RABGAP1L: variants seen among roughly 807,000 people sequenced by gnomAD.
RABGAP1L encodes the protein RAB GTPase activating protein 1 like.
In RABGAP1L, 63 loss-of-function variants were observed where a neutral mutation model predicts 137.7. That is an observed-to-expected ratio of 0.46 (90% confidence interval 0.37 to 0.56). RABGAP1L has a LOEUF of 0.56. RABGAP1L is among the 20% of genes least tolerant of loss of function. RABGAP1L has a pLI of 0.00. For missense variants in RABGAP1L, 1,095 were observed against 1,244.0 expected, an observed-to-expected ratio of 0.88 and a Z score of 1.80; for synonymous variants, 431 against 433.7, an observed-to-expected ratio of 0.99 and a Z score of 0.08.
intron 12 of RABGAP1L, among the ~76,000 whole-genome samples, chr1:174,393,467 T>C (rs1305103863): frequency 1.3e-5 from 2 of 152,144 alleles, no homozygotes; most frequent in African/African-American, 4.8e-5. Flanking sequence ...GACTATAATA[T>C]GTATGCCTTA....
At chr1:174,273,529 T>A (rs1241731291) in intron 8 of RABGAP1L, among the ~76,000 whole-genome samples, 1 of 152,024 alleles carries the variant, frequency 6.6e-6, no homozygotes, top group Non-Finnish European at 1.5e-5. Flanking sequence ...AATTAGCTAT[T>A]GATCTATGTC....
At chr1:174,620,574 C>A (rs976098242) in intron 13 of RABGAP1L, among the ~76,000 whole-genome samples, 3 of 152,236 alleles carry the variant, frequency 2.0e-5, no homozygotes, top group Non-Finnish European at 4.4e-5. Context: ...TAAAGATGTT[C>A]TTTGAAACCA....
chr1:174,755,846 TC>T (rs1191766872), intron 18 of RABGAP1L, among the ~76,000 whole-genome samples: 1 of 152,214 alleles, frequency 6.6e-6, no homozygotes, highest in African/African-American at 2.4e-5. Context: ...TCTTTTTCAT[TC>T]AGTATATCGT....
At chr1:174,984,741 C>CA (rs1350752348) in intron 24 of RABGAP1L, among the ~76,000 whole-genome samples, 2 of 151,270 alleles carry the variant, frequency 1.3e-5, no homozygotes, top group Admixed American at 6.6e-5. Context: ...GATTCCATCT[C>CA]AAAAAAACAA....
chr1:174,255,907 C>T (rs931213916), intron 7 of RABGAP1L, among the ~76,000 whole-genome samples: 1 of 152,228 alleles, frequency 6.6e-6, no homozygotes, highest in Non-Finnish European at 1.5e-5. Flanking sequence ...GAGTTAAATA[C>T]ATCGTGGCCC....
At chr1:174,218,395 G>A (rs572809419) in intron 1 of RABGAP1L, among the ~76,000 whole-genome samples, 2 of 152,250 alleles carry the variant, frequency 1.3e-5, no homozygotes, top group African/African-American at 4.8e-5. Context: ...TATGTCTGCA[G>A]TTAAACTTAG....
chr1:174,821,229 G>A (rs536006687), intron 19 of RABGAP1L, among the ~76,000 whole-genome samples: 1 of 152,252 alleles, frequency 6.6e-6, no homozygotes, highest in East Asian at 1.9e-4. Context: ...GATGGCAGAG[G>A]CAGTGCAGGT....
At chr1:174,622,538 G>A (rs1672599031) in intron 13 of RABGAP1L, among the ~76,000 whole-genome samples, 1 of 152,198 alleles carries the variant, frequency 6.6e-6, no homozygotes, top group Non-Finnish European at 1.5e-5. Context: ...AATATGATGA[G>A]TTCATGTCCT....
chr1:174,228,257 G>T lies in RABGAP1L; in HGVS notation c.332-2888G>T, dbSNP rs184862280. ...GAATCTGTAGAGTCATGAATCTTGG[G>T]TTACACAGGTTTATAAAATACCTCT... is the stretch of plus-strand genomic sequence containing the variant. On this transcript the variant is annotated intron_variant, in intron 3 of 25. Transcript: ENST00000681986. Among the ~76,000 whole-genome samples the T allele has an allele frequency of 5.7e-4, 86 of 151,968 alleles. 1 individual carries two copies. The highest frequency in any genetic ancestry group is 1.9e-3 in the African/African-American group (78 of 41,488).
At chr1:174,398,855 A>G (rs1648204395) in intron 13 of RABGAP1L, among the ~76,000 whole-genome samples, 1 of 152,204 alleles carries the variant, frequency 6.6e-6, no homozygotes, top group Admixed American at 6.5e-5. Flanking sequence ...GAGATCTATT[A>G]TGGAATGAAT....
intron 13 of RABGAP1L, among the ~76,000 whole-genome samples, chr1:174,443,064 G>A (rs1013790494): frequency 6.6e-6 from 1 of 151,954 alleles, no homozygotes; most frequent in Non-Finnish European, 1.5e-5. Flanking sequence ...CTTTTTTATA[G>A]TTGAATAATA....
chr1:174,374,367 A>G (rs1281178174), intron 12 of RABGAP1L, among the ~76,000 whole-genome samples: 3 of 152,096 alleles, frequency 2.0e-5, no homozygotes, highest in African/African-American at 7.2e-5. Flanking sequence ...ACTTCATAAA[A>G]CAAGGACTCC....
chr1:174,458,156 G>T (rs1307528747), intron 13 of RABGAP1L, among the ~76,000 whole-genome samples: 1 of 152,036 alleles, frequency 6.6e-6, no homozygotes, highest in African/African-American at 2.4e-5. Context: ...ACAAATTACA[G>T]TCCGCTGACT....
At chr1:174,599,746 A>G (rs1182210458) in intron 13 of RABGAP1L, among the ~76,000 whole-genome samples, 1 of 151,858 alleles carries the variant, frequency 6.6e-6, no homozygotes, top group Non-Finnish European at 1.5e-5. Flanking sequence ...TGTTGCTTTT[A>G]GGATTGTTTC....
intron 5 of RABGAP1L, among the ~76,000 whole-genome samples, chr1:174,249,247 T>C (rs772508175): frequency 1.5e-4 from 23 of 152,180 alleles, no homozygotes; most frequent in South Asian, 4.1e-4. Flanking sequence ...CCAACACTTA[T>C]AGCACAACAA....
At chr1:174,332,192 A>G (rs894849389) in intron 11 of RABGAP1L, among the ~76,000 whole-genome samples, 1 of 152,206 alleles carries the variant, frequency 6.6e-6, no homozygotes, top group Non-Finnish European at 1.5e-5. Flanking sequence ...GTCAGTATTC[A>G]AGGCTATAAT....
chr1:174,660,457 C>T (rs564261303), intron 14 of RABGAP1L, among the ~76,000 whole-genome samples: 22 of 152,288 alleles, frequency 1.4e-4, no homozygotes, highest in Non-Finnish European at 2.6e-4. Flanking sequence ...ACTGACTCCA[C>T]CTTCAAAACA....
intron 4 of RABGAP1L, among the ~76,000 whole-genome samples, chr1:174,234,448 G>T (rs1362243855): frequency 1.4e-5 from 2 of 143,512 alleles, no homozygotes; most frequent in African/African-American, 5.9e-5. Flanking sequence ...TTTGTATAAG[G>T]TGTAAGGAAG....
intron 15 of RABGAP1L, among the ~76,000 whole-genome samples, chr1:174,697,070 C>CTA (rs1364945565): frequency 6.6e-6 from 1 of 152,144 alleles, no homozygotes; most frequent in Non-Finnish European, 1.5e-5. Context: ...TACTCTTCCC[C>CTA]TAGGGAGGCA....
Sources: gnomAD v4.1 joint callset for allele counts (sites outside exome capture counted in the v4.1 genomes callset) on GRCh38, gnomAD v4.1.1 for gene constraint, MANE v1.5 for transcripts, NCBI Gene and HGNC (gene_info 2026-07-23, HGNC 2026-07-21) for gene names.